The following DLGAP2 variants were observed in gnomAD, a reference collection of about 807,000 sequenced individuals.
DLGAP2 encodes the protein DLG associated protein 2, also known as disks large-associated protein 2.
DLGAP2 carries 26 observed loss-of-function variants against 100.3 expected under a neutral mutation model. The ratio of observed to expected loss-of-function variants is 0.26; its 90% CI spans 0.19 to 0.36. The LOEUF (loss-of-function observed/expected upper bound fraction) is 0.36. Among genes scored for constraint, DLGAP2 ranks in the 10% least tolerant of loss-of-function variants. The pLI is 1.00. For missense variants in DLGAP2, 1,858 were observed against 1,453.2 expected (o/e 1.28, Z -4.53); for synonymous variants, 886 against 630.1 (o/e 1.41, Z -6.08).
intron 8 of DLGAP2, among the ~76,000 whole-genome samples, chr8:1,667,019 G>A (rs561746666): frequency 2.0e-5 from 3 of 152,286 alleles, no homozygotes; most frequent in South Asian, 4.1e-4. Flanking sequence ...GCCCACGTGC[G>A]CACTCACCTA....
At chr8:823,905 C>A (rs1458291213) in intron 1 of DLGAP2, among the ~76,000 whole-genome samples, 3 of 152,150 alleles carry the variant, frequency 2.0e-5, no homozygotes, top group Admixed American at 2.0e-4. Context: ...GTGGCAGCGC[C>A]CGTGACACAC....
At chr8:1,333,361 A>G (rs1417394550) in intron 3 of DLGAP2, among the ~76,000 whole-genome samples, 2 of 152,084 alleles carry the variant, frequency 1.3e-5, no homozygotes, top group African/African-American at 4.8e-5. Flanking sequence ...GGGAGGAGGA[A>G]GCAGAGGTTG....
In DLGAP2 at chr8:1,206,332, T is replaced by A. The variant is rs1472049818; in HGVS notation, c.74-52519T>A. 1.4e-5 allele frequency among the ~76,000 whole-genome samples: 2 copies of A among 144,964 alleles called. 1 individual carries two copies. The highest frequency in any genetic ancestry group is 5.4e-5 in the African/African-American group (2 of 37,268). On this transcript the variant is annotated intron_variant, in intron 2 of 14. Transcript: ENST00000637795. The stretch of plus-strand genomic sequence containing the variant: ...CAGGCATCCGTGGACTGGGGTAGAC[T>A]GTGAATGGTTAATCTCCAGCCATCC...
At chr8:1,241,161 G>GCCGTGTCTAA (rs1798785005) in intron 2 of DLGAP2, among the ~76,000 whole-genome samples, 2 of 111,674 alleles carry the variant, frequency 1.8e-5, no homozygotes, top group African/African-American at 9.9e-5. Flanking sequence ...GCCATGTCTA[G>GCCGTGTCTAA]TTCTCTCACG....
At chr8:1,243,227 T>C (rs545099156) in intron 2 of DLGAP2, among the ~76,000 whole-genome samples, 2 of 152,290 alleles carry the variant, frequency 1.3e-5, no homozygotes, top group South Asian at 4.1e-4. Context: ...TCAGAGAGCC[T>C]GCAGGCCCCT....
chr8:1,124,923 C>G (rs960741764), intron 2 of DLGAP2, among the ~76,000 whole-genome samples: 4 of 152,156 alleles, frequency 2.6e-5, no homozygotes, highest in African/African-American at 4.8e-5. Context: ...AGGCTCTGCC[C>G]CTATACCGAG....
intron 2 of DLGAP2, among the ~76,000 whole-genome samples, chr8:1,128,971 G>A (rs760472885): frequency 1.3e-5 from 2 of 152,172 alleles, no homozygotes; most frequent in South Asian, 2.1e-4. Flanking sequence ...GCAAGCTGAC[G>A]CTCCCCACAG....
intron 6 of DLGAP2, among the ~76,000 whole-genome samples, chr8:1,600,079 T>C (rs1394435160): frequency 1.3e-5 from 2 of 152,194 alleles, no homozygotes; most frequent in African/African-American, 4.8e-5. Context: ...GGTGATAATA[T>C]CTCCCAGCAT....
At chr8:1,421,862 G>A (rs1466775479) in intron 3 of DLGAP2, among the ~76,000 whole-genome samples, 1 of 152,006 alleles carries the variant, frequency 6.6e-6, no homozygotes, top group African/African-American at 2.4e-5. Context: ...TACTCAAGAG[G>A]CTCTGAGGCA....
chr8:1,700,340 G>T (rs1799532046), intron 14 of DLGAP2, among the ~76,000 whole-genome samples: 1 of 152,208 alleles, frequency 6.6e-6, no homozygotes, highest in Non-Finnish European at 1.5e-5. Flanking sequence ...GGAAACAGCT[G>T]GCTACGGAGA....
chr8:797,360 A>G (rs1796057429), intron 1 of DLGAP2, among the ~76,000 whole-genome samples: 1 of 152,200 alleles, frequency 6.6e-6, no homozygotes, highest in African/African-American at 2.4e-5. Context: ...TTTGAGATTT[A>G]TTCATGTTGG....
intron 1 of DLGAP2, among the ~76,000 whole-genome samples, chr8:789,922 C>G (rs66507963): frequency 2.0e-5 from 3 of 152,112 alleles, no homozygotes; most frequent in Non-Finnish European, 2.9e-5. Context: ...AGCTGCACCC[C>G]TGACCCACTG....
intron 3 of DLGAP2, among the ~76,000 whole-genome samples, chr8:1,323,248 T>G (rs1040875467): frequency 2.0e-5 from 3 of 152,152 alleles, no homozygotes; most frequent in Admixed American, 1.3e-4. Context: ...CAGGCTGGTC[T>G]TGAACTCCTG....
At chr8:1,116,005 C>T (rs953414137) in intron 2 of DLGAP2, among the ~76,000 whole-genome samples, 10 of 152,180 alleles carry the variant, frequency 6.6e-5, no homozygotes, top group Admixed American at 2.0e-4. Context: ...CAGACAGCAC[C>T]GTGGGAGCCA....
intron 3 of DLGAP2, among the ~76,000 whole-genome samples, chr8:1,341,570 G>C (rs1375143532): frequency 6.6e-6 from 1 of 152,218 alleles, no homozygotes; most frequent in East Asian, 1.9e-4. Context: ...GGAAGGAGAT[G>C]ACTGTGGCTG....
intron 2 of DLGAP2, among the ~76,000 whole-genome samples, chr8:1,125,336 G>A (rs576499768): frequency 3.7e-4 from 56 of 152,142 alleles, no homozygotes; most frequent in Middle Eastern, 3.4e-3. Flanking sequence ...ACTGCATCCC[G>A]GACAAATACC....
intron 2 of DLGAP2, among the ~76,000 whole-genome samples, chr8:954,561 A>G (rs1004003732): frequency 6.6e-6 from 1 of 152,254 alleles, no homozygotes; most frequent in East Asian, 1.9e-4. Context: ...TTCATACATC[A>G]GAAAGGGTAT....
chr8:1,134,807 A>T (rs1048170580), intron 2 of DLGAP2, among the ~76,000 whole-genome samples: 6 of 152,124 alleles, frequency 3.9e-5, no homozygotes, highest in Non-Finnish European at 8.8e-5. Context: ...ACAGAAAAAA[A>T]CACCATTTAT....
intron 5 of DLGAP2, among the ~76,000 whole-genome samples, chr8:1,550,543 C>A (rs770524882): frequency 1.3e-5 from 2 of 152,054 alleles, no homozygotes; most frequent in African/African-American, 4.8e-5. Context: ...AGTGGGCCTG[C>A]GACATTCGTG....
Sources: allele counts gnomAD v4.1 joint callset (sites outside exome capture counted in the v4.1 genomes callset), GRCh38; gene constraint gnomAD v4.1.1; transcripts MANE v1.5; gene names NCBI Gene and HGNC (gene_info 2026-07-23, HGNC 2026-07-21).